Variants in ATL1 observed in about 807,000 individuals in gnomAD.
ATL1 encodes atlastin-1.
Under a neutral mutation model 75.5 loss-of-function variants are expected in ATL1, and 31 were observed. The observed-to-expected ratio is 0.41, with a 90% CI of 0.31 to 0.55. The LOEUF (loss-of-function observed/expected upper bound fraction) is 0.55, where lower values mean the gene tolerates loss of function less well. Ranked by LOEUF, ATL1 falls within the 20% of genes least tolerant of loss-of-function variation. The pLI is 0.27. For synonymous variants in ATL1, 226 were observed against 233.3 expected (o/e 0.97, Z 0.28); for missense variants, 405 against 662.6 (o/e 0.61, Z 4.27).
intron 13 of ATL1, among the ~76,000 whole-genome samples, 157 bp downstream of exon 13, chr14:50,630,166 G>T (rs1439229785): frequency 6.6e-6 from 1 of 151,914 alleles, no homozygotes; most frequent in Non-Finnish European, 1.5e-5. Flanking sequence ...TTTTTAACAT[G>T]GTCTTAAAAT....
chr14:50,593,822 T>C, intron 4 of ATL1, 24 bp from the exon 5 acceptor site: 1 of 1,496,210 alleles, frequency 6.7e-7, no homozygotes, highest in Non-Finnish European at 9.3e-7. Context: ...TATCTTATCA[T>C]TGTAATTTTA....
chr14:50,574,776 C>T (rs981298618), intron 1 of ATL1, among the ~76,000 whole-genome samples: 3 of 151,444 alleles, frequency 2.0e-5, no homozygotes, highest in African/African-American at 7.3e-5. Flanking sequence ...TACAGTTAGA[C>T]ATTTAGATTG....
chr14:50,539,004 C>T (rs952051351), intron 1 of ATL1, among the ~76,000 whole-genome samples: 7 of 152,222 alleles, frequency 4.6e-5, no homozygotes, highest in Non-Finnish European at 1.0e-4. Context: ...ATAAATGGTC[C>T]TTTTATTATA....
At chr14:50,560,435 C>G in intron 1 of ATL1, 136 bp downstream of exon 1, 1 of 1,202,336 alleles carries the variant, frequency 8.3e-7, no homozygotes, top group Admixed American at 2.0e-5. Context: ...GTAGCCGAGC[C>G]GCTCCCTGTT....
intron 1 of ATL1, among the ~76,000 whole-genome samples, chr14:50,536,918 G>A (rs2038500223): frequency 1.3e-5 from 2 of 152,204 alleles, no homozygotes; most frequent in South Asian, 4.1e-4. Context: ...AAAATTTGCA[G>A]CCTGACAATA....
chr14:50,546,395 A>T (rs574498999), intron 1 of ATL1, among the ~76,000 whole-genome samples: 12 of 151,652 alleles, frequency 7.9e-5, no homozygotes, highest in African/African-American at 2.7e-4. Flanking sequence ...TGTGTGTGTG[A>T]GAGAGCATAC....
intron 1 of ATL1, among the ~76,000 whole-genome samples, chr14:50,567,654 G>T (rs1279104635): frequency 6.6e-6 from 1 of 152,074 alleles, no homozygotes; most frequent in East Asian, 1.9e-4. Flanking sequence ...AAAAATAGTT[G>T]TCATTCTAAT....
intron 6 of ATL1, among the ~76,000 whole-genome samples, chr14:50,597,425 T>A (rs2039231042): frequency 6.6e-6 from 1 of 151,996 alleles, no homozygotes; most frequent in Non-Finnish European, 1.5e-5. Flanking sequence ...AAACAATATG[T>A]TAAGAATATA....
At chr14:50,579,093 A>AGTTGCTTATTTGTGTCTTTTGTCC (rs2039033142) in intron 1 of ATL1, among the ~76,000 whole-genome samples, 1 of 151,952 alleles carries the variant, frequency 6.6e-6, no homozygotes, top group African/African-American at 2.4e-5. Flanking sequence ...GGGTTTTGTC[A>AGTTGCTTATTTGTGTCTTTTGTCC]GTTGCTTATT....
At chr14:50,617,663 C>G (rs1308110294) in intron 8 of ATL1, among the ~76,000 whole-genome samples, 1 of 152,076 alleles carries the variant, frequency 6.6e-6, no homozygotes, top group Admixed American at 6.6e-5. Context: ...TGACCAAGCC[C>G]CTAAAGTCCT....
intron 1 of ATL1, among the ~76,000 whole-genome samples, chr14:50,562,282 G>T (rs910538225): frequency 2.0e-5 from 3 of 152,146 alleles, no homozygotes; most frequent in Non-Finnish European, 4.4e-5. Flanking sequence ...CTGACCTCGT[G>T]ATCCGCCCGC....
At chr14:50,544,751 T>C (rs1366732240) in intron 1 of ATL1, among the ~76,000 whole-genome samples, 2 of 151,728 alleles carry the variant, frequency 1.3e-5, no homozygotes, top group Non-Finnish European at 2.9e-5. Flanking sequence ...CTGGGGAACA[T>C]AGTGAGAACT....
chr14:50,575,407 TC>T lies in ATL1; in HGVS notation c.35-12423del, dbSNP rs542012886. On this transcript the variant is annotated intron_variant, in intron 1 of 13. Coordinates refer to ENST00000358385, the MANE Select transcript of ATL1 (RefSeq NM_015915.5). ...GAGTCTGTACGGAAGTGTTTTGAGA[TC>T]TATTACATATAATCCCATATCTCTA... 1.1e-4 allele frequency among the ~76,000 whole-genome samples: 17 copies of T among 152,340 alleles called. No individual in the cohort carries two copies. The East Asian group carries it at 3.1e-3, about 28-fold the overall frequency.
intron 9 of ATL1, among the ~76,000 whole-genome samples, chr14:50,621,202 TAGCACTGAATACTTTTTACC>T (rs1206262116): frequency 2.6e-5 from 4 of 152,220 alleles, no homozygotes; most frequent in African/African-American, 2.4e-5. Context: ...CTTCCTTAGA[TAGCACTGAATACTTTTTACC>T]AGCACTGAAT....
upstream of ATL1, among the ~76,000 whole-genome samples, chr14:50,557,491 C>G (rs964244075): frequency 7.2e-5 from 11 of 152,140 alleles, no homozygotes; most frequent in African/African-American, 2.7e-4. Flanking sequence ...TTCTGGAAAT[C>G]ACTCTGTATT....
intron 1 of ATL1, among the ~76,000 whole-genome samples, chr14:50,562,112 T>G (rs1190464129): frequency 6.6e-6 from 1 of 152,088 alleles, no homozygotes; most frequent in Non-Finnish European, 1.5e-5. Flanking sequence ...TGGTGCCTTC[T>G]GGGCTCACTG....
At chr14:50,625,901 C>A (rs531573184) in intron 11 of ATL1, among the ~76,000 whole-genome samples, 100 of 131,374 alleles carry the variant, frequency 7.6e-4, no homozygotes, top group African/African-American at 1.1e-3. Context: ...AGACCCGTCT[C>A]AAAAAAAAAA....
In ATL1 at chr14:50,564,454, C is replaced by G. The variant is rs186251100; in HGVS notation, c.34+4155C>G. Among the ~76,000 whole-genome samples the G allele has an allele frequency of 3.8e-3, 579 of 151,772 alleles. 3 individuals are homozygous for G. The highest frequency in any genetic ancestry group is 0.013 in the African/African-American group (546 of 41,388). ...CAGGAGGTCAGGAGATGGAGACCAT[C>G]CTGGCTGACACGGTGAAACCCCGTC... is the stretch of plus-strand genomic sequence containing the variant. On this transcript the variant is annotated intron_variant, in intron 1 of 13. Coordinates refer to ENST00000358385, the MANE Select transcript of ATL1 (RefSeq NM_015915.5).
upstream of ATL1, among the ~76,000 whole-genome samples, chr14:50,555,814 G>A (rs1292345198): frequency 2.0e-5 from 3 of 151,910 alleles, no homozygotes; most frequent in Non-Finnish European, 4.4e-5. Flanking sequence ...GTCATTTTTT[G>A]GTTAAGCCAT....
Sources: allele counts gnomAD v4.1 joint callset (sites outside exome capture counted in the v4.1 genomes callset), GRCh38; gene constraint gnomAD v4.1.1; transcripts MANE v1.5; gene names NCBI Gene and HGNC (gene_info 2026-07-23, HGNC 2026-07-21).